The following TMC5 variants were observed in gnomAD, a reference collection of about 807,000 sequenced individuals.
TMC5 encodes the protein transmembrane channel like 5, also known as transmembrane channel-like protein 5.
Under a neutral mutation model 110.5 loss-of-function variants are expected in TMC5, and 86 were observed. The observed-to-expected ratio is 0.78, with a 90% CI of 0.65 to 0.93. The LOEUF is 0.93. Among genes scored for constraint, TMC5 ranks in the 40% least tolerant of loss-of-function variants. The pLI, the probability that TMC5 is intolerant of heterozygous loss-of-function variation, is 0.00. For synonymous variants in TMC5, 455 were observed against 439.5 expected, an observed-to-expected ratio of 1.04 and a Z score of -0.44; for missense variants, 1,144 against 1,222.8, an observed-to-expected ratio of 0.94 and a Z score of 0.96.
chr16:19,451,091 G>A (rs574545846), intron 5 of TMC5, among the ~76,000 whole-genome samples: 29 of 152,248 alleles, frequency 1.9e-4, no homozygotes, highest in Admixed American at 1.4e-3. Flanking sequence ...CTGTGATCAC[G>A]CCATTGCAGT....
At chr16:19,486,653 C>CA (rs2143728904) in intron 15 of TMC5, among the ~76,000 whole-genome samples, 1 of 152,278 alleles carries the variant, frequency 6.6e-6, no homozygotes, top group East Asian at 1.9e-4. Context: ...TCTGGGATTA[C>CA]AGGCATAAGC....
rs35472194 is a variant in TMC5, at chr16:19,425,327, C to CTTTTTTTT, written c.-307-5074_-307-5067dup. Among the ~76,000 whole-genome samples, 9 of 124,552 alleles carry CTTTTTTTT rather than the reference C, an allele frequency of 7.2e-5. 1 individual carries two copies. Among genetic ancestry groups the CTTTTTTTT allele is most frequent in the African/African-American group, 8.8e-5 (3 of 33,956 alleles). The allele number at this position is 124,552 out of a possible 152,430, so 81.7% of individuals were successfully genotyped here. A position where few individuals can be genotyped will look rare whatever the true frequency, so the allele number is the denominator to read the frequency against. On this transcript the variant is annotated intron_variant, in intron 1 of 21. Coordinates refer to ENST00000542583, the MANE Select transcript of TMC5 (RefSeq NM_001261841.2). ...CATTGGTCCAGGTGAGTTGAGTTTG[C>CTTTTTTTT]TTTTTTTTTTTTTTTTTTTCCTGTG...
intron 14 of TMC5, among the ~76,000 whole-genome samples, chr16:19,480,352 T>A (rs948501717): frequency 2.2e-4 from 34 of 152,320 alleles, no homozygotes; most frequent in African/African-American, 7.9e-4. Context: ...AGCCTCTCAT[T>A]CCTTATAGAC....
intron 9 of TMC5, 31 bp from the exon 10 acceptor site, chr16:19,469,650 C>A: frequency 6.2e-7 from 1 of 1,612,956 alleles, no homozygotes; most frequent in South Asian, 1.1e-5. Context: ...CCATAATAAC[C>A]TTCAGGTGTT....
intron 11 of TMC5, among the ~76,000 whole-genome samples, chr16:19,473,770 G>A (rs1011313667): frequency 5.3e-5 from 8 of 151,798 alleles, no homozygotes; most frequent in African/African-American, 9.7e-5. Context: ...ACCTGAGGTC[G>A]GGAGTTAGAG....
intron 14 of TMC5, among the ~76,000 whole-genome samples, chr16:19,480,356 T>C (rs1292068525): frequency 2.6e-5 from 4 of 152,206 alleles, no homozygotes; most frequent in African/African-American, 4.8e-5. Context: ...TCTCATTCCT[T>C]ATAGACATTT....
At chr16:19,439,108 G>A (rs1967422338) in intron 2 of TMC5, among the ~76,000 whole-genome samples, 1 of 152,218 alleles carries the variant, frequency 6.6e-6, no homozygotes, top group Admixed American at 6.5e-5. Context: ...GTTATAGTCT[G>A]TTGACACCTC....
intron 3 of TMC5, 127 bp from the exon 4 acceptor site, chr16:19,443,954 T>C (rs1225229662): frequency 4.3e-6 from 4 of 925,700 alleles, no homozygotes; most frequent in Non-Finnish European, 6.6e-6. Context: ...GATGGATGGA[T>C]GGATAAATGG....
chr16:19,456,888 G>T (rs773690329), intron 5 of TMC5: 1 of 1,614,188 alleles, frequency 6.2e-7, no homozygotes, highest in South Asian at 1.1e-5. Flanking sequence ...GTCAGCAAAA[G>T]GAATGACCAA....
At chr16:19,412,949 T>A (rs1966859955), upstream of TMC5, among the ~76,000 whole-genome samples, 4 of 152,242 alleles carry the variant, frequency 2.6e-5, no homozygotes, top group South Asian at 8.3e-4. Context: ...GCTCAAGCGA[T>A]CCTCCCACCT....
At position 19,440,764 on chromosome 16, in the gene TMC5, T is replaced by G; in HGVS notation, c.726T>G (p.Asp242Glu). The G allele has an allele frequency of 6.2e-7, 1 of 1,614,068 alleles. No homozygotes were observed. Among genetic ancestry groups the G allele is most frequent in the Non-Finnish European group, 8.5e-7 (1 of 1,180,034 alleles). Residue 242 changes from aspartate to glutamate, a missense_variant, in exon 3 of 22, where the codon GAT becomes GAG. Physicochemically the swap from Asp to Glu is conservative, Grantham distance 45. Coordinates refer to ENST00000542583, the MANE Select transcript of TMC5 (RefSeq NM_001261841.2). ...QNLPSTWREP[D>E]YSDAENGHDY... ...TGCCAAGCACTTGGAGAGAACCTGA[T>G]TATTCAGATGCTGAGAATGGTCATG...
At chr16:19,464,504 G>T (rs1968107980) in intron 8 of TMC5, among the ~76,000 whole-genome samples, 1 of 152,174 alleles carries the variant, frequency 6.6e-6, no homozygotes, top group South Asian at 2.1e-4. Flanking sequence ...GTCTCCAGAG[G>T]CAACCATCTT....
At chr16:19,497,014 A>C in intron 20 of TMC5, 107 bp from the exon 21 acceptor site, 5 of 1,105,272 alleles carry the variant, frequency 4.5e-6, no homozygotes, top group Non-Finnish European at 6.9e-6. Flanking sequence ...TCATCCCTTA[A>C]CTTCTATAAA....
At chr16:19,436,532 A>G (rs1324702287) in intron 2 of TMC5, among the ~76,000 whole-genome samples, 2 of 152,190 alleles carry the variant, frequency 1.3e-5, no homozygotes, top group Non-Finnish European at 2.9e-5. Context: ...CTTGTTAGGA[A>G]AAGTAATTTG....
chr16:19,488,882 G>C (rs1158326675), intron 17 of TMC5, among the ~76,000 whole-genome samples: 2 of 152,228 alleles, frequency 1.3e-5, no homozygotes, highest in African/African-American at 4.8e-5. Context: ...AGCCTGACTA[G>C]AACAGTGCTT....
At chr16:19,467,371 T>G (rs1968216889) in intron 9 of TMC5, among the ~76,000 whole-genome samples, 2 of 152,196 alleles carry the variant, frequency 1.3e-5, no homozygotes, top group African/African-American at 2.4e-5. Flanking sequence ...TGTCTTCACA[T>G]GGTTATCCCT....
At chr16:19,489,480 G>A (rs894668871) in intron 17 of TMC5, among the ~76,000 whole-genome samples, 2 of 151,786 alleles carry the variant, frequency 1.3e-5, no homozygotes, top group Non-Finnish European at 2.9e-5. Context: ...GACTACAGGC[G>A]CCCGCCACCA....
In TMC5 at chr16:19,447,160, G is replaced by A. The variant is rs540609474; in HGVS notation, c.959-2382G>A. Among the ~76,000 whole-genome samples, 11 of 152,260 alleles carry A rather than the reference G, an allele frequency of 7.2e-5. No homozygotes were observed. In the East Asian group the frequency reaches 2.1e-3, roughly 29 times the overall value. On this transcript the variant is annotated intron_variant, in intron 4 of 21. Coordinates refer to ENST00000542583, the MANE Select transcript of TMC5 (RefSeq NM_001261841.2). ...TCTTACGGGTCTGCAAGGTTGGTTG[G>A]CATTTGGCTGAACTACGCTGAGTTT...
intron 5 of TMC5, among the ~76,000 whole-genome samples, chr16:19,452,334 C>G (rs1205339058): frequency 6.6e-6 from 1 of 152,216 alleles, no homozygotes; most frequent in Non-Finnish European, 1.5e-5. Context: ...TCCCCGTCTT[C>G]AGCTATCAGA....
Sources: allele counts gnomAD v4.1 joint callset (sites outside exome capture counted in the v4.1 genomes callset), GRCh38; gene constraint gnomAD v4.1.1; transcripts MANE v1.5; gene names NCBI Gene and HGNC (gene_info 2026-07-23, HGNC 2026-07-21).